PIGX: variants seen among roughly 807,000 people sequenced by gnomAD.
PIGX encodes phosphatidylinositol glycan anchor biosynthesis class X.
Under a neutral mutation model 28.7 loss-of-function variants are expected in PIGX, and 24 were observed. That is an observed-to-expected ratio of 0.84 (90% CI 0.60 to 1.17). PIGX has a LOEUF of 1.17. PIGX is among the 50% of genes most tolerant of loss of function. The pLI is 0.00. For synonymous variants in PIGX, 127 were observed against 121.0 expected (o/e 1.05, Z -0.33); for missense variants, 305 against 317.8 (o/e 0.96, Z 0.31).
At chr3:196,721,276 G>A (rs1712312376) in intron 2 of PIGX, 2 of 284,452 alleles carry the variant, frequency 7.0e-6, no homozygotes, top group Admixed American at 1.0e-4. Context: ...CTGTGCTTCA[G>A]TGTGGGTAGT....
chr3:196,721,825 T>C (rs73089258), intron 2 of PIGX, among the ~76,000 whole-genome samples: 11,473 of 151,788 alleles, frequency 0.076, 680 homozygotes, highest in African/African-American at 0.17. Flanking sequence ...TGATCTTGGT[T>C]CATTGCACCC....
Position 196,727,956 on chromosome 3 carries a change from G to C in PIGX, c.352G>C (p.Ala118Pro), listed in dbSNP as rs530880498. The change falls in exon 4 of 6, where the codon GCC (alanine) becomes CCC (proline). Residue 118 changes from alanine (A) to proline (P), a missense_variant. Physicochemically the swap from Ala to Pro is conservative, Grantham distance 27. Transcript: ENST00000392391. ...GGTTTCAGAAAATTTTGATATAGAG[G>C]CCCCTAACTATTTGTCCAAGGAGTC... is the stretch of plus-strand genomic sequence containing the variant. The C allele has an allele frequency of 1.9e-6, 3 of 1,612,794 alleles. No homozygotes were observed. Among genetic ancestry groups the C allele is most frequent in the Non-Finnish European group, 2.5e-6 (3 of 1,178,974 alleles).
chr3:196,714,463 C>CTTTTT (rs35728280), intron 1 of PIGX, among the ~76,000 whole-genome samples: 1 of 138,924 alleles, frequency 7.2e-6, no homozygotes, highest in Non-Finnish European at 1.6e-5. Context: ...GGCCCTGTCT[C>CTTTTT]TTTTTTTTTT....
In PIGX at chr3:196,712,543, G is replaced by A. The variant is rs1047072736; in HGVS notation, c.11G>A (p.Arg4Gln). 2 of 1,173,460 alleles carry A rather than the reference G, an allele frequency of 1.7e-6. No individual in the cohort carries two copies. Among genetic ancestry groups the A allele is most frequent in the Non-Finnish European group, 1.1e-6 (1 of 950,314 alleles). The allele number at this position is 1,173,460 out of a possible 1,614,324, so 72.7% of individuals were successfully genotyped here. A position where few individuals can be genotyped will look rare whatever the true frequency, so the allele number is the denominator to read the frequency against. The change falls in exon 1 of 6, where the codon CGG becomes CAG. Residue 4 changes from arginine (R) to glutamine (Q), a missense_variant. Transcript: ENST00000392391. ...CCGGCTTCCGGCGTCCTGGCGGCTC[G>A]GGTGGCGGCGGTTCGGGCGGCCGCC...
At position 196,733,901 on chromosome 3, in the gene PIGX, A is replaced by G. The variant is rs753726811; in HGVS notation, c.776A>G (p.Ter259=). 6 of 1,582,214 alleles carry G rather than the reference A, an allele frequency of 3.8e-6. No individual in the cohort carries two copies. In the African/African-American group the frequency reaches 8.1e-5, roughly 21 times the overall value. Reference sequence around the variant, plus strand: ...TTCAAATATGGCCATTTTTCCCTATAAGTTTTATGTAGTTAAATGCTTCCT... The same window carrying G: ...TTCAAATATGGCCATTTTTCCCTATGAGTTTTATGTAGTTAAATGCTTCCT... The change falls in exon 6 of 6, where the codon TAA becomes TGA. Residue 259 remains the stop codon, a stop_retained_variant. Coordinates refer to ENST00000392391, the MANE Select transcript of PIGX (RefSeq NM_017861.4). This position sits in a 1 kb window ranked among gnomAD's most constrained non-coding sequence, Gnocchi z 4.3.
In PIGX at chr3:196,728,024, C is replaced by T. The variant is rs1376187385; in HGVS notation, c.420C>T (p.Asp140=). The change falls in exon 4 of 6, where the codon GAC becomes GAT. Residue 140 remains aspartate, a synonymous_variant. Transcript: ENST00000392391. ...CCAGACGAGATTCACAGTGCATTGA[C>T]TGTTTTCAAGCCTTTTTGCCTGTGC... is the stretch of plus-strand genomic sequence containing the variant. 4 of 1,613,948 alleles carry T rather than the reference C, an allele frequency of 2.5e-6. No homozygotes were observed. Among genetic ancestry groups the T allele is most frequent in the Middle Eastern group, 1.6e-4 (1 of 6,084 alleles).
chr3:196,727,574 T>G (rs1262369610), intron 3 of PIGX, among the ~76,000 whole-genome samples: 1 of 152,226 alleles, frequency 6.6e-6, no homozygotes, highest in African/African-American at 2.4e-5. Context: ...GTTTGTGTAC[T>G]TATTGAATAA....
chr3:196,728,644 G>C, intron 4 of PIGX: 1 of 765,764 alleles, frequency 1.3e-6, no homozygotes, highest in South Asian at 1.3e-5. Flanking sequence ...GTCATAGCTG[G>C]GGTTTTGCTA....
rs576032012 is a variant in PIGX at position 196,716,196 on chromosome 3, A to G, written c.113-662A>G. ...TGTCTGGAATCTGGATGAAGTCAGT[A>G]TACTGAGATTTGTGCTTATTCTAAG... On this transcript the variant is annotated intron_variant, in intron 1 of 5. Coordinates refer to ENST00000392391, the MANE Select transcript of PIGX (RefSeq NM_017861.4). Among the ~76,000 whole-genome samples the G allele has an allele frequency of 3.9e-5, 6 of 152,244 alleles. No homozygotes were observed. In the East Asian group the frequency reaches 1.2e-3, roughly 29 times the overall value.
At chr3:196,728,264 A>AAT (rs1712606803) in intron 4 of PIGX, 128 bp downstream of exon 4, 1 of 653,440 alleles carries the variant, frequency 1.5e-6, no homozygotes, top group Admixed American at 2.8e-5. Flanking sequence ...AAGGGTATTT[A>AAT]TTTGCCTTAT....
At chr3:196,716,213 T>C (rs561552088) in intron 1 of PIGX, among the ~76,000 whole-genome samples, 30 of 152,314 alleles carry the variant, frequency 2.0e-4, no homozygotes, top group Non-Finnish European at 3.5e-4. Context: ...GATTTGTGCT[T>C]ATTCTAAGTT....
rs915126569 is a variant in PIGX, at chr3:196,712,546, T to C, written c.14T>C (p.Val5Ala). 1.7e-6 allele frequency: 2 copies of C among 1,174,880 alleles called. No homozygotes were observed. The highest frequency in any genetic ancestry group is 2.1e-6 in the Non-Finnish European group (2 of 951,256). The allele number at this position is 1,174,880 out of a possible 1,614,324, so 72.8% of individuals were successfully genotyped here. Residue 5 changes from valine to alanine, a missense_variant, in exon 1 of 6, where the codon GTG becomes GCG. Val to Ala is a moderately conservative substitution (Grantham distance 64). Coordinates refer to ENST00000392391, the MANE Select transcript of PIGX (RefSeq NM_017861.4). ...GCTTCCGGCGTCCTGGCGGCTCGGG[T>C]GGCGGCGGTTCGGGCGGCCGCCTGG...
chr3:196,718,396 T>A (rs1013077170), intron 2 of PIGX, among the ~76,000 whole-genome samples: 2 of 152,212 alleles, frequency 1.3e-5, no homozygotes, highest in African/African-American at 4.8e-5. Context: ...TAGCTTTTTA[T>A]GAGTTGAGGA....
chr3:196,734,155 G>T lies in PIGX; in HGVS notation c.*253G>T. The T allele has an allele frequency of 2.9e-6, 1 of 348,744 alleles. No individual in the cohort carries two copies. Among genetic ancestry groups the T allele is most frequent in the Non-Finnish European group, 5.1e-6 (1 of 194,212 alleles). The allele number at this position is 348,744 out of a possible 1,614,324, so 21.6% of individuals were successfully genotyped here. On this transcript the variant is annotated 3_prime_UTR_variant, in exon 6 of 6. Coordinates refer to ENST00000392391, the MANE Select transcript of PIGX (RefSeq NM_017861.4). ...ATTCTGCTAAATTAATGTTTATTTT[G>T]TGAGAAGTGACTTTATCTTCATTTG...
chr3:196,712,975 C>T (rs1163535758), intron 1 of PIGX: 2 of 998,942 alleles, frequency 2.0e-6, no homozygotes, highest in Non-Finnish European at 2.4e-6. Context: ...ACCAAGGGGC[C>T]AGGCAAGGCC....
chr3:196,718,758 G>A (rs1050250290), intron 2 of PIGX, among the ~76,000 whole-genome samples: 2 of 152,016 alleles, frequency 1.3e-5, no homozygotes, highest in Non-Finnish European at 2.9e-5. Context: ...TTCTTCTCTA[G>A]TTTCTGCTTG....
chr3:196,733,706 C>T lies in PIGX; in HGVS notation c.634-53C>T. 1.5e-6 allele frequency: 2 copies of T among 1,375,840 alleles called. No homozygotes were observed. The highest frequency in any genetic ancestry group is 2.1e-6 in the Non-Finnish European group (2 of 969,998). The allele number at this position is 1,375,840 out of a possible 1,614,324, so 85.2% of individuals were successfully genotyped here. A position where few individuals can be genotyped will look rare whatever the true frequency, so the allele number is the denominator to read the frequency against. On this transcript the variant is annotated intron_variant, in intron 5 of 5. Transcript: ENST00000392391. This position sits in a 1 kb window ranked among gnomAD's most constrained non-coding sequence, Gnocchi z 4.3. ...GGGATTACAGGCATGAGCTACCACA[C>T]CGGGCCCATGACATGCATTTTCAAT...
At chr3:196,713,058 C>T in intron 1 of PIGX, 3 of 986,142 alleles carry the variant, frequency 3.0e-6, no homozygotes, top group Non-Finnish European at 3.6e-6. Flanking sequence ...GTTGTTCGTG[C>T]AAGTAGTAGT....
At chr3:196,713,527 G>A (rs1420321614) in intron 1 of PIGX, among the ~76,000 whole-genome samples, 2 of 152,026 alleles carry the variant, frequency 1.3e-5, no homozygotes, top group Non-Finnish European at 2.9e-5. Context: ...AGCTGGTCTT[G>A]AACTCCTGAC....
Sources: gnomAD v4.1 joint callset for allele counts (sites outside exome capture counted in the v4.1 genomes callset) on GRCh38, gnomAD v4.1.1 for gene constraint, Gnocchi (gnomAD v3.1) non-coding constraint, MANE v1.5 for transcripts, NCBI Gene and HGNC (gene_info 2026-07-23, HGNC 2026-07-21) for gene names.